The following KAT5 variants were observed in gnomAD, a reference collection of about 807,000 sequenced individuals.
KAT5 encodes the protein lysine acetyltransferase 5.
Under a neutral mutation model 68.1 loss-of-function variants are expected in KAT5, and 31 were observed. The ratio of observed to expected loss-of-function variants is 0.46; its 90% CI spans 0.34 to 0.61. KAT5 has a LOEUF of 0.61. Ranked by LOEUF, KAT5 falls within the 20% of genes least tolerant of loss-of-function variation. The probability of loss-of-function intolerance (pLI) is 0.01; values close to 1 mark genes in which losing one functional copy is unlikely to be tolerated. For synonymous variants in KAT5, 365 were observed against 292.6 expected (o/e 1.25, Z -2.52); for missense variants, 451 against 725.5 (o/e 0.62, Z 4.35).
intron 10 of KAT5, chr11:65,717,219 C>T: frequency 3.4e-6 from 2 of 583,648 alleles, no homozygotes; most frequent in South Asian, 4.0e-5. Flanking sequence ...CTAAGTGCCA[C>T]TCAGCTTTCC....
At chr11:65,715,035 C>G (rs768441640) in intron 8 of KAT5, 125 bp downstream of exon 8, 41 of 771,912 alleles carry the variant, frequency 5.3e-5, no homozygotes, top group Non-Finnish European at 8.2e-5. Context: ...TTCCTGCTGT[C>G]TGGCAGGTGC....
chr11:65,714,282 G>C, intron 6 of KAT5: 1 of 606,686 alleles, frequency 1.6e-6, no homozygotes, highest in African/African-American at 1.8e-5. Flanking sequence ...GCGACAGACT[G>C]AGACTCCATC....
upstream of KAT5, chr11:65,712,195 G>A (rs931650740): frequency 2.9e-6 from 4 of 1,362,452 alleles, no homozygotes; most frequent in Admixed American, 1.1e-4. Context: ...CGTGAGGCCC[G>A]GGCCCACAGG....
chr11:65,712,754 C>G lies in KAT5; in HGVS notation c.179-12C>G, dbSNP rs4645913. The G allele has an allele frequency of 1.2e-6, 2 of 1,613,788 alleles. No homozygotes were observed. The highest frequency in any genetic ancestry group is 3.3e-4 in the Middle Eastern group (2 of 6,040). ...GGCCTGTCTAAGGCCCCTGTCTATG[C>G]TATTCTCATAGCCCTGGCCGAGATC... is the stretch of plus-strand genomic sequence containing the variant. On this transcript the variant is annotated splice_polypyrimidine_tract_variant and intron_variant, in intron 1 of 12. Coordinates refer to ENST00000341318, the MANE Select transcript of KAT5 (RefSeq NM_182710.3).
intron 9 of KAT5, 25 bp from the exon 10 acceptor site, chr11:65,716,864 A>T: frequency 6.2e-7 from 1 of 1,613,592 alleles, no homozygotes; most frequent in Non-Finnish European, 8.5e-7. Flanking sequence ...CCCTTCCCTG[A>T]CACTCACCTG....
intron 11 of KAT5, 31 bp downstream of exon 11, chr11:65,718,780 A>G (rs761005723): frequency 4.3e-6 from 7 of 1,614,078 alleles, no homozygotes; most frequent in East Asian, 2.2e-5. Flanking sequence ...CTGGGGGTAC[A>G]TGGCATGGCT....
At position 65,719,316 on chromosome 11, in the gene KAT5, C is replaced by T; in HGVS notation, c.*135C>T. The T allele has an allele frequency of 1.8e-6, 2 of 1,108,402 alleles. No homozygotes were observed. The highest frequency in any genetic ancestry group is 1.6e-5 in the South Asian group (1 of 62,850). 68.7% of individuals were successfully genotyped at this position (1,108,402 alleles called of 1,614,324 possible). ...ACAGCTCAAAAAGGAGAGGACAGGC[C>T]TGGCAGGGGCCCACTGGTGCCCAGC... On this transcript the variant is annotated 3_prime_UTR_variant, in exon 13 of 13. Transcript: ENST00000341318.
Position 65,719,532 on chromosome 11 carries a change from G to T in KAT5, c.*351G>T, listed in dbSNP as rs1218282464. The T allele has an allele frequency of 4.9e-6, 3 of 615,562 alleles. No homozygotes were observed. The East Asian group carries it at 8.2e-5, about 17-fold the overall frequency. The allele number at this position is 615,562 out of a possible 1,614,324, so 38.1% of individuals were successfully genotyped here. Reference sequence around the variant, plus strand: ...GTAAAGTAGAAGTTGGGGGTGGGGTGGGTGCTGGCTGCAAAAATTTCTGGC... The same window carrying T: ...GTAAAGTAGAAGTTGGGGGTGGGGTTGGTGCTGGCTGCAAAAATTTCTGGC... On this transcript the variant is annotated 3_prime_UTR_variant, in exon 13 of 13. Coordinates refer to ENST00000341318, the MANE Select transcript of KAT5 (RefSeq NM_182710.3).
intron 1 of KAT5, 48 bp from the exon 2 acceptor site, chr11:65,712,718 T>TC (rs756979869): frequency 1.3e-6 from 2 of 1,599,656 alleles, no homozygotes; most frequent in Admixed American, 1.7e-5. Flanking sequence ...AAGGGTGGAG[T>TC]CTCATAGCCT....
At position 65,712,309 on chromosome 11, in the gene KAT5, G is replaced by GGAGC; in HGVS notation, c.43_46dup (p.Pro16ArgfsTer7). 2 of 1,468,718 alleles carry GGAGC rather than the reference G, an allele frequency of 1.4e-6. No individual in the cohort carries two copies. Among genetic ancestry groups the GGAGC allele is most frequent in the Non-Finnish European group, 1.8e-6 (2 of 1,114,120 alleles). 91.0% of individuals were successfully genotyped at this position (1,468,718 alleles called of 1,614,324 possible). A position where few individuals can be genotyped will look rare whatever the true frequency, so the allele number is the denominator to read the frequency against. On this transcript the variant is annotated frameshift_variant, in exon 1 of 13. Transcript: ENST00000341318. LOFTEE classifies it high-confidence loss of function. The stretch of plus-strand genomic sequence containing the variant: ...GTCCGGTGCCCGGGGCGGGGCGGAG[G>GGAGC]GAGCCAGGGGAGGTGGGTAGAGCCC...
In KAT5 at chr11:65,712,887, T is replaced by C. The variant is rs750212728; in HGVS notation, c.248-35T>C. 5.0e-6 allele frequency: 8 copies of C among 1,613,970 alleles called. No individual in the cohort carries two copies. The East Asian group carries it at 1.6e-4, about 31-fold the overall frequency. The stretch of plus-strand genomic sequence containing the variant: ...CAGGGTAGGGTTGGGGGACAGTCTT[T>C]GGCATTCTGTCCTGAGCCATCCCCA... On this transcript the variant is annotated intron_variant, in intron 2 of 12. Coordinates refer to ENST00000341318, the MANE Select transcript of KAT5 (RefSeq NM_182710.3).
Position 65,716,975 on chromosome 11 carries a change from C to A in KAT5, c.1257C>A (p.Ile419=), listed in dbSNP as rs757551764. 1 of 1,612,986 alleles carries A rather than the reference C, an allele frequency of 6.2e-7. No individual in the cohort carries two copies. The highest frequency in any genetic ancestry group is 2.2e-5 in the East Asian group (1 of 44,892). ...YQRRGYGKLL[I]EFSYELSKVE... Reference sequence around the variant, plus strand: ...GCCGGGGCTACGGCAAGCTGCTGATCGAGTTCAGTGAGTATGTGTGCTGCG... The same window carrying A: ...GCCGGGGCTACGGCAAGCTGCTGATAGAGTTCAGTGAGTATGTGTGCTGCG... Residue 419 remains isoleucine (I), a synonymous_variant, in exon 10 of 13, where the codon ATC becomes ATA. Coordinates refer to ENST00000341318, the MANE Select transcript of KAT5 (RefSeq NM_182710.3).
Position 65,715,135 on chromosome 11 carries a change from C to G in KAT5, c.1029+225C>G, listed in dbSNP as rs1857151171. ...CCAATGACCTCTAGCTCCCAGTGTC[C>G]TAAGTGTCATGAAACAGAGGGTAGG... is the stretch of plus-strand genomic sequence containing the variant. On this transcript the variant is annotated intron_variant, in intron 8 of 12. Transcript: ENST00000341318. The G allele has an allele frequency of 1.6e-5, 9 of 557,564 alleles. No homozygotes were observed. The East Asian group carries it at 2.8e-4, about 17-fold the overall frequency. The allele number at this position is 557,564 out of a possible 1,614,324, so 34.5% of individuals were successfully genotyped here.
At position 65,713,502 on chromosome 11, in the gene KAT5, C is replaced by T. The variant is rs760083455; in HGVS notation, c.539C>T (p.Thr180Met). 6 of 1,614,086 alleles carry T rather than the reference C, an allele frequency of 3.7e-6. No homozygotes were observed. Among genetic ancestry groups the T allele is most frequent in the Admixed American group, 1.7e-5 (1 of 60,002 alleles). The change falls in exon 4 of 13, where the codon ACG (threonine) becomes ATG (methionine). Residue 180 changes from threonine to methionine, a missense_variant and splice_region_variant. This residue lies in a region of KAT5 where 135 missense variants were observed against 173.4 expected (regional missense o/e 0.78). Transcript: ENST00000341318. ...SSCLQPNHRS[T>M]KRKVEVVSPA... ...TGCCTGCAGCCCAACCACCGCTCAA[C>T]GGTACCCTCAGCAATTCCAGGGACC...
chr11:65,714,236 A>C, intron 6 of KAT5: 1 of 554,106 alleles, frequency 1.8e-6, no homozygotes, highest in Non-Finnish European at 3.2e-6. Context: ...TGGAGATTGC[A>C]GTGAGCCAAG....
At chr11:65,714,394 G>C (rs1018787666) in intron 6 of KAT5, 101 bp from the exon 7 acceptor site, 9 of 1,359,970 alleles carry the variant, frequency 6.6e-6, no homozygotes, top group Non-Finnish European at 9.1e-6. Context: ...CCCCCTTAGG[G>C]TTGCTGTTAG....
intron 6 of KAT5, chr11:65,714,166 G>A: frequency 2.0e-6 from 1 of 510,316 alleles, no homozygotes; most frequent in South Asian, 2.2e-5. Flanking sequence ...AGGCGTGGTG[G>A]CGGGTGCCTG....
chr11:65,712,339 C>A lies in KAT5; in HGVS notation c.72C>A (p.Gly24=). The A allele has an allele frequency of 6.6e-7, 1 of 1,519,072 alleles. No homozygotes were observed. 94.1% of individuals were successfully genotyped at this position (1,519,072 alleles called of 1,614,324 possible). A position where few individuals can be genotyped will look rare whatever the true frequency, so the allele number is the denominator to read the frequency against. ...REPGEVGRAR[G]PPVADPGVAL... is the part of the protein sequence containing the mutation. ...CAGGGGAGGTGGGTAGAGCCCGAGG[C>A]CCCCCAGTAGCCGACCCTGGCGTCG... The change falls in exon 1 of 13, where the codon GGC becomes GGA. Residue 24 remains glycine (G), a synonymous_variant. Coordinates refer to ENST00000341318, the MANE Select transcript of KAT5 (RefSeq NM_182710.3).
At position 65,716,652 on chromosome 11, in the gene KAT5, C is replaced by G; in HGVS notation, c.1030-15C>G. On this transcript the variant is annotated splice_polypyrimidine_tract_variant and intron_variant, in intron 8 of 12. Coordinates refer to ENST00000341318, the MANE Select transcript of KAT5 (RefSeq NM_182710.3). ...GCGGGATACCCAGAGTGGTGACAAGCCTTTTCTCTTGCAGAGTTATTCCCA... is the reference window on the plus strand; with the variant it reads ...GCGGGATACCCAGAGTGGTGACAAGGCTTTTCTCTTGCAGAGTTATTCCCA... 2 of 1,612,292 alleles carry G rather than the reference C, an allele frequency of 1.2e-6. No homozygotes were observed. Among genetic ancestry groups the G allele is most frequent in the Non-Finnish European group, 1.7e-6 (2 of 1,179,460 alleles).
Sources: gnomAD v4.1 joint callset for allele counts on GRCh38, gnomAD v4.1.1 for gene constraint, gnomAD v4.1.1 regional missense constraint, MANE v1.5 for transcripts, NCBI Gene and HGNC (gene_info 2026-07-23, HGNC 2026-07-21) for gene names.